Variants in ERICH6 observed in about 807,000 individuals in gnomAD.
The protein encoded by ERICH6 is glutamate-rich protein 6.
A neutral mutation model predicts 71.0 loss-of-function variants in ERICH6; 71 were observed. The ratio of observed to expected loss-of-function variants is 1.00; its 90% CI spans 0.83 to 1.22. ERICH6 has a LOEUF of 1.22. Ranked by LOEUF, ERICH6 falls within the 50% of genes most tolerant of loss-of-function variation. ERICH6 has a pLI of 0.00. For missense variants in ERICH6, 808 were observed against 797.2 expected (o/e 1.01, Z -0.16); for synonymous variants, 262 against 278.4 (o/e 0.94, Z 0.59).
intron 13 of ERICH6, 93 bp downstream of exon 13, chr3:150,666,694 C>G: frequency 9.5e-7 from 1 of 1,049,510 alleles, no homozygotes; most frequent in Admixed American, 2.5e-5. Flanking sequence ...AGATTATGCA[C>G]TAGTGTAATC....
At chr3:150,689,321 C>A (rs1576559089) in intron 3 of ERICH6, among the ~76,000 whole-genome samples, 2 of 152,150 alleles carry the variant, frequency 1.3e-5, no homozygotes, top group East Asian at 1.9e-4. Flanking sequence ...ACAAGGCCAC[C>A]TTTTTGCTAG....
chr3:150,691,411 G>A (rs920702986), intron 3 of ERICH6, among the ~76,000 whole-genome samples: 7 of 152,022 alleles, frequency 4.6e-5, no homozygotes, highest in Admixed American at 3.9e-4. Context: ...CGAGGTAAAA[G>A]GAACCAGGAA....
At chr3:150,681,936 T>C (rs1053310605) in intron 7 of ERICH6, among the ~76,000 whole-genome samples, 7 of 143,462 alleles carry the variant, frequency 4.9e-5, no homozygotes, top group Admixed American at 1.5e-4. Flanking sequence ...TGCCACAGCC[T>C]CCCAAGTAGC....
intron 12 of ERICH6, among the ~76,000 whole-genome samples, chr3:150,667,622 T>C (rs1727473119): frequency 1.3e-5 from 2 of 152,290 alleles, no homozygotes; most frequent in Admixed American, 6.5e-5. Context: ...CTTCAGACCA[T>C]GAATGCCTTA....
At chr3:150,692,849 C>G (rs1313971805) in intron 3 of ERICH6, among the ~76,000 whole-genome samples, 2 of 151,998 alleles carry the variant, frequency 1.3e-5, no homozygotes, top group Non-Finnish European at 2.9e-5. Context: ...TTATAAAACT[C>G]TTAACAGGTG....
At chr3:150,661,794 T>G (rs1208044072) in intron 13 of ERICH6, among the ~76,000 whole-genome samples, 1 of 152,132 alleles carries the variant, frequency 6.6e-6, no homozygotes, top group Non-Finnish European at 1.5e-5. Flanking sequence ...GGCAGGATGA[T>G]GGCTTGAACC....
Position 150,680,948 on chromosome 3 carries a change from T to A in ERICH6, c.883-18A>T. ...CAGGAGGCCTGGAAAACACAGAAGT[T>A]ACTCTCATCTCATTAGTCCTAGATG... On this transcript the variant is annotated intron_variant, in intron 7 of 13. Transcript: ENST00000295910. The A allele has an allele frequency of 1.9e-6, 3 of 1,597,202 alleles. No homozygotes were observed. The highest frequency in any genetic ancestry group is 2.6e-6 in the Non-Finnish European group (3 of 1,172,920).
intron 13 of ERICH6, among the ~76,000 whole-genome samples, chr3:150,666,149 G>A (rs950075374): frequency 9.2e-5 from 14 of 152,192 alleles, no homozygotes; most frequent in African/African-American, 3.1e-4. Flanking sequence ...TGAATTCCAC[G>A]TTCTTAACCA....
chr3:150,690,548 T>G (rs1712395539), intron 3 of ERICH6, among the ~76,000 whole-genome samples: 1 of 152,010 alleles, frequency 6.6e-6, no homozygotes, highest in Non-Finnish European at 1.5e-5. Flanking sequence ...TAAAGAAAAA[T>G]AAAAACACTT....
At chr3:150,676,153 T>C (rs79140979) in intron 10 of ERICH6, among the ~76,000 whole-genome samples, 10,254 of 152,096 alleles carry the variant, frequency 0.067, 435 homozygotes, top group Non-Finnish European at 0.093. Flanking sequence ...TAATGAGTTT[T>C]GATATTTTTT....
At position 150,703,818 on chromosome 3, in the gene ERICH6, C is replaced by A. The variant is rs151102130; in HGVS notation, c.81G>T (p.Glu27Asp). The change falls in exon 1 of 14, where the codon GAG becomes GAT. Residue 27 changes from glutamate (E) to aspartate (D), a missense_variant. Around this residue, in one of 3 missense-constraint regions of ERICH6, gnomAD observed 53 missense variants for 40.6 expected, o/e 1.30. Transcript: ENST00000295910. ...CCTCCACCTCTTCCTCCTCCTCCTC[C>A]TCCTCTAACTCCTCCTCTGACTCCT... Reference protein sequence around the residue: ...DQKESEEELEEEEEEEEVEEE... With the variant: ...DQKESEEELEDEEEEEEVEEE... The A allele has an allele frequency of 3.7e-6, 6 of 1,613,732 alleles. No homozygotes were observed. Among genetic ancestry groups the A allele is most frequent in the Non-Finnish European group, 4.2e-6 (5 of 1,179,846 alleles).
chr3:150,701,780 C>T (rs529358380), intron 2 of ERICH6, among the ~76,000 whole-genome samples: 3 of 151,580 alleles, frequency 2.0e-5, no homozygotes, highest in Non-Finnish European at 4.4e-5. Context: ...TATTTCCACT[C>T]TCTTCCACAA....
intron 10 of ERICH6, among the ~76,000 whole-genome samples, chr3:150,674,316 TAAAAGAAC>T (rs1179757492): frequency 2.6e-5 from 4 of 151,976 alleles, no homozygotes; most frequent in Admixed American, 1.3e-4. Flanking sequence ...TACACGTTAC[TAAAAGAAC>T]AAAACAAAAG....
intron 3 of ERICH6, among the ~76,000 whole-genome samples, chr3:150,691,065 T>A (rs1238763682): frequency 6.6e-6 from 1 of 152,226 alleles, no homozygotes; most frequent in Non-Finnish European, 1.5e-5. Flanking sequence ...CAAGGACAGC[T>A]TGGAGGTTAA....
intron 13 of ERICH6, among the ~76,000 whole-genome samples, chr3:150,664,278 G>T (rs980417416): frequency 1.3e-5 from 2 of 151,960 alleles, no homozygotes; most frequent in Admixed American, 6.6e-5. Context: ...TACTTACTAA[G>T]TGGGAAACAA....
At chr3:150,681,705 C>T (rs1319538191) in intron 7 of ERICH6, among the ~76,000 whole-genome samples, 3 of 151,512 alleles carry the variant, frequency 2.0e-5, no homozygotes, top group African/African-American at 7.3e-5. Context: ...TTTATCAACA[C>T]TTGTTATTAT....
intron 7 of ERICH6, 114 bp from the exon 8 acceptor site, chr3:150,681,044 T>A: frequency 1.9e-6 from 2 of 1,071,772 alleles, no homozygotes; most frequent in Non-Finnish European, 1.3e-6. Flanking sequence ...TTTATTCTGG[T>A]AATAGCTTTA....
chr3:150,703,580 T>A lies in ERICH6; in HGVS notation c.319A>T (p.Thr107Ser). ...RLASIVSPSL[T>S]STFVPSQSAT... ...CTCTGGCTGGGCACGAACGTAGAGG[T>A]CAGGCTAGGGCTGACGATGCTGGCT... The change falls in exon 1 of 14, where the codon ACC (threonine) becomes TCC (serine). Residue 107 changes from threonine to serine, a missense_variant. Thr to Ser is a moderately conservative substitution (Grantham distance 58). This residue lies in a region of ERICH6 where 736 missense variants were observed against 712.2 expected (regional missense o/e 1.03). Transcript: ENST00000295910. 1 of 1,613,478 alleles carries A rather than the reference T, an allele frequency of 6.2e-7. No homozygotes were observed. The highest frequency in any genetic ancestry group is 8.5e-7 in the Non-Finnish European group (1 of 1,179,870).
chr3:150,680,354 C>T (rs1711854716), intron 9 of ERICH6, 114 bp downstream of exon 9: 3 of 1,081,820 alleles, frequency 2.8e-6, no homozygotes, highest in Middle Eastern at 2.1e-4. Flanking sequence ...AGGCGTGAGC[C>T]ACTGCACCTG....
Sources: allele counts gnomAD v4.1 joint callset (sites outside exome capture counted in the v4.1 genomes callset), GRCh38; gene constraint gnomAD v4.1.1; regional missense constraint gnomAD v4.1.1; transcripts MANE v1.5; gene names NCBI Gene and HGNC (gene_info 2026-07-23, HGNC 2026-07-21).